The following ATP2B4 variants were observed in gnomAD, a reference collection of about 807,000 sequenced individuals.
ATP2B4 encodes the protein ATPase plasma membrane Ca2+ transporting 4, also known as plasma membrane calcium-transporting ATPase 4.
A neutral mutation model predicts 110.3 loss-of-function variants in ATP2B4; 39 were observed. That is an observed-to-expected ratio of 0.35 (90% CI 0.27 to 0.46). ATP2B4 has a LOEUF of 0.46. ATP2B4 is among the 20% of genes least tolerant of loss of function. The pLI is 1.00. For missense variants in ATP2B4, 1,135 were observed against 1,530.9 expected, an observed-to-expected ratio of 0.74 and a Z score of 4.32; for synonymous variants, 538 against 571.7, an observed-to-expected ratio of 0.94 and a Z score of 0.84.
At chr1:203,680,721 C>T (rs969071108) in intron 1 of ATP2B4, among the ~76,000 whole-genome samples, 2 of 152,164 alleles carry the variant, frequency 1.3e-5, no homozygotes, top group African/African-American at 4.8e-5. Context: ...TCTATAATTC[C>T]ATTCCTTTAT....
At chr1:203,715,476 C>A (rs1370838010) in intron 15 of ATP2B4, among the ~76,000 whole-genome samples, 1 of 142,314 alleles carries the variant, frequency 7.0e-6, no homozygotes, top group East Asian at 2.1e-4. Context: ...TCACTTGAAC[C>A]TGGGAGGCAG....
chr1:203,713,763 C>A (rs1006485158), intron 14 of ATP2B4, among the ~76,000 whole-genome samples: 1 of 152,196 alleles, frequency 6.6e-6, no homozygotes, highest in African/African-American at 2.4e-5. Context: ...CCGCACCTGG[C>A]AATTGCATGG....
intron 1 of ATP2B4, among the ~76,000 whole-genome samples, chr1:203,642,631 G>A (rs1663666347): frequency 6.6e-6 from 1 of 152,128 alleles, no homozygotes; most frequent in African/African-American, 2.4e-5. Context: ...TTCAGCCCCG[G>A]GGGTCAGAGC....
intron 1 of ATP2B4, among the ~76,000 whole-genome samples, chr1:203,680,608 C>CAA (rs372298550): frequency 3.8e-5 from 5 of 130,782 alleles, no homozygotes; most frequent in East Asian, 2.3e-4. Flanking sequence ...GACTCCGTCT[C>CAA]AAAAAAAAAA....
At chr1:203,691,916 C>G (rs1665388447) in intron 2 of ATP2B4, among the ~76,000 whole-genome samples, 2 of 151,956 alleles carry the variant, frequency 1.3e-5, no homozygotes, top group African/African-American at 2.4e-5. Context: ...GAGTCTGGCT[C>G]TGTTGCCCAG....
intron 8 of ATP2B4, among the ~76,000 whole-genome samples, chr1:203,705,648 C>T (rs990905365): frequency 1.3e-5 from 2 of 152,170 alleles, no homozygotes; most frequent in African/African-American, 4.8e-5. Context: ...ATCCCATGGC[C>T]TCAAGTGATC....
intron 2 of ATP2B4, among the ~76,000 whole-genome samples, chr1:203,683,657 CTTT>C (rs1456743992): frequency 1.6e-5 from 2 of 128,974 alleles, no homozygotes; most frequent in African/African-American, 2.8e-5. Flanking sequence ...CTTTCTTCTT[CTTT>C]TGTTTCTTTT....
At chr1:203,693,630 G>A (rs1215314367) in intron 2 of ATP2B4, among the ~76,000 whole-genome samples, 1 of 152,148 alleles carries the variant, frequency 6.6e-6, no homozygotes, top group African/African-American at 2.4e-5. Flanking sequence ...AAATTCATAG[G>A]TTTGGACTCT....
In ATP2B4 at chr1:203,698,190, G is replaced by A. The variant is rs562320431; in HGVS notation, c.227G>A (p.Arg76His). The A allele has an allele frequency of 1.6e-5, 26 of 1,614,082 alleles. No homozygotes were observed. The highest frequency in any genetic ancestry group is 4.4e-5 in the South Asian group (4 of 91,074). Residue 76 changes from arginine to histidine, a missense_variant, in exon 3 of 21, where the codon CGT becomes CAT. By Grantham distance (29) the Arg-to-His change is conservative. This residue lies in a region of ATP2B4 where 122 missense variants were observed against 125.2 expected (regional missense o/e 0.97). Coordinates refer to ENST00000357681, the MANE Select transcript of ATP2B4 (RefSeq NM_001684.5). ...LSGNPADLEK[R>H]RQVFGHNVIP... ...GGGAACCCTGCAGATCTGGAGAAAC[G>A]TAGGCAGGTGTTTGGACACAACGTG...
chr1:203,699,817 A>T, intron 4 of ATP2B4, 100 bp downstream of exon 4: 1 of 1,525,298 alleles, frequency 6.6e-7, no homozygotes. Flanking sequence ...AAACCCAAAA[A>T]GATAAGATCC....
chr1:203,668,209 G>A (rs1355325678), intron 1 of ATP2B4, among the ~76,000 whole-genome samples: 3 of 152,168 alleles, frequency 2.0e-5, no homozygotes, highest in Non-Finnish European at 4.4e-5. Flanking sequence ...CTTGCAGCTT[G>A]TAGTTGGGTA....
chr1:203,711,832 C>T (rs558501539), intron 12 of ATP2B4, 128 bp from the exon 13 acceptor site: 2 of 1,031,450 alleles, frequency 1.9e-6, no homozygotes, highest in Non-Finnish European at 2.9e-6. Context: ...CCAGACCTAG[C>T]CCATGCTGCA....
At chr1:203,678,708 C>G (rs1232208636) in intron 1 of ATP2B4, among the ~76,000 whole-genome samples, 2 of 152,122 alleles carry the variant, frequency 1.3e-5, no homozygotes, top group African/African-American at 4.8e-5. Context: ...CTGGCAGATG[C>G]CTGCCTTTTA....
At chr1:203,724,345 G>A (rs991363744) in intron 19 of ATP2B4, among the ~76,000 whole-genome samples, 6 of 152,046 alleles carry the variant, frequency 3.9e-5, no homozygotes, top group Middle Eastern at 3.4e-3. Context: ...GTGAAACCCC[G>A]TCTCTACTAA....
intron 1 of ATP2B4, among the ~76,000 whole-genome samples, chr1:203,672,755 C>G (rs1664713082): frequency 6.6e-6 from 1 of 152,162 alleles, no homozygotes; most frequent in Non-Finnish European, 1.5e-5. Context: ...TGGGCCCCAG[C>G]ATCGCTCATC....
chr1:203,651,770 A>G (rs1023475727), intron 1 of ATP2B4, among the ~76,000 whole-genome samples: 4 of 151,740 alleles, frequency 2.6e-5, no homozygotes, highest in African/African-American at 9.7e-5. Flanking sequence ...AAATATATGA[A>G]CACACGGCTA....
chr1:203,673,592 G>A (rs1571707432), intron 1 of ATP2B4, among the ~76,000 whole-genome samples: 1 of 152,200 alleles, frequency 6.6e-6, no homozygotes, highest in Admixed American at 6.5e-5. Flanking sequence ...GGGGATGGGA[G>A]GTTCTCTGTA....
chr1:203,690,696 G>A (rs1287515762), intron 2 of ATP2B4, among the ~76,000 whole-genome samples: 1 of 152,130 alleles, frequency 6.6e-6, no homozygotes, highest in Non-Finnish European at 1.5e-5. Context: ...CCTCTGCCCT[G>A]TAGCCATCAT....
At chr1:203,708,380 A>T (rs921687224) in intron 10 of ATP2B4, among the ~76,000 whole-genome samples, 3 of 152,184 alleles carry the variant, frequency 2.0e-5, no homozygotes, top group African/African-American at 7.2e-5. Flanking sequence ...GTAGAAAGTA[A>T]CCCAAAGTAG....
Sources: allele counts gnomAD v4.1 joint callset (sites outside exome capture counted in the v4.1 genomes callset), GRCh38; gene constraint gnomAD v4.1.1; regional missense constraint gnomAD v4.1.1; transcripts MANE v1.5; gene names NCBI Gene and HGNC (gene_info 2026-07-23, HGNC 2026-07-21).